The following DNAH17 variants were observed in gnomAD, a reference collection of about 807,000 sequenced individuals.
DNAH17 encodes the protein axonemal beta dynein heavy chain 17.
A neutral mutation model predicts 485.6 loss-of-function variants in DNAH17; 376 were observed. That is an observed-to-expected ratio of 0.77 (90% CI 0.71 to 0.84). DNAH17 has a LOEUF of 0.84. DNAH17 is among the 40% of genes least tolerant of loss of function. DNAH17 has a pLI of 0.00. For missense variants in DNAH17, 6,370 were observed against 5,839.3 expected (o/e 1.09, Z -2.96); for synonymous variants, 3,031 against 2,405.9 (o/e 1.26, Z -7.60).
chr17:78,545,659 T>C (rs945401486), intron 16 of DNAH17, among the ~76,000 whole-genome samples: 2 of 152,006 alleles, frequency 1.3e-5, no homozygotes, highest in African/African-American at 4.8e-5. Flanking sequence ...CACAAAGGAG[T>C]GTTTGAGAGT....
chr17:78,485,838 C>T (rs529851624), intron 46 of DNAH17, 81 bp from the exon 47 acceptor site: 426 of 1,571,136 alleles, frequency 2.7e-4, no homozygotes, highest in Admixed American at 6.5e-4. Flanking sequence ...CATGTTCTAC[C>T]GAACAGGTCC....
chr17:78,462,504 G>A (rs1032970207), intron 57 of DNAH17, among the ~76,000 whole-genome samples: 1 of 152,136 alleles, frequency 6.6e-6, no homozygotes, highest in East Asian at 1.9e-4. Flanking sequence ...CAGGCCCCAT[G>A]GTATGAATGG....
At chr17:78,537,044 G>A (rs1304373890) in intron 19 of DNAH17, among the ~76,000 whole-genome samples, 1 of 151,944 alleles carries the variant, frequency 6.6e-6, no homozygotes, top group African/African-American at 2.4e-5. Context: ...CGGGTGTGGT[G>A]GCGGGTGCCT....
chr17:78,532,903 C>A (rs909272542), intron 19 of DNAH17, 167 bp from the exon 20 acceptor site: 15 of 760,282 alleles, frequency 2.0e-5, no homozygotes, highest in Non-Finnish European at 2.8e-5. Context: ...CCTCTTTAGG[C>A]AACCTGGTGG....
intron 74 of DNAH17, among the ~76,000 whole-genome samples, chr17:78,436,951 G>C (rs1429224967): frequency 6.6e-6 from 1 of 152,206 alleles, no homozygotes; most frequent in Admixed American, 6.5e-5. Context: ...GGAAGAGTCA[G>C]GTGAGGACAG....
intron 22 of DNAH17, among the ~76,000 whole-genome samples, chr17:78,528,940 G>A (rs985165078): frequency 3.6e-5 from 5 of 137,534 alleles, no homozygotes; most frequent in Non-Finnish European, 6.3e-5. Context: ...GGGACATAAA[G>A]GCATTTTGTA....
At chr17:78,482,758 C>T (rs1319471204) in intron 48 of DNAH17, among the ~76,000 whole-genome samples, 1 of 152,132 alleles carries the variant, frequency 6.6e-6, no homozygotes, top group Non-Finnish European at 1.5e-5. Context: ...TCCATCCTTC[C>T]CTGTTGTCGT....
At chr17:78,445,759 AGAG>A (rs2087260553) in intron 69 of DNAH17, 79 bp from the exon 70 acceptor site, 5 of 1,498,946 alleles carry the variant, frequency 3.3e-6, no homozygotes, top group Non-Finnish European at 4.5e-6. Flanking sequence ...CTGGACTCGA[AGAG>A]GAGTTCACAC....
chr17:78,473,825 C>G (rs1301659490), intron 54 of DNAH17, among the ~76,000 whole-genome samples: 1 of 152,152 alleles, frequency 6.6e-6, no homozygotes, highest in African/African-American at 2.4e-5. Context: ...ATGGAGAAAG[C>G]TCAGTAAAAC....
chr17:78,486,667 G>A (rs1330965640), intron 44 of DNAH17, among the ~76,000 whole-genome samples, 161 bp from the exon 45 acceptor site: 1 of 152,190 alleles, frequency 6.6e-6, no homozygotes, highest in Non-Finnish European at 1.5e-5. Context: ...GGTGCCAGAG[G>A]GGCCAGTTGC....
In DNAH17 at chr17:78,423,874, C is replaced by T. The variant is rs2086221390; in HGVS notation, c.*32G>A. The T allele has an allele frequency of 6.2e-7, 1 of 1,611,748 alleles. No individual in the cohort carries two copies. Among genetic ancestry groups the T allele is most frequent in the Admixed American group, 1.7e-5 (1 of 59,960 alleles). On this transcript the variant is annotated 3_prime_UTR_variant, in exon 81 of 81. Transcript: ENST00000389840. ...TGAAGGGCTGAGTTGTGGTCCAGCC[C>T]CAGGGAGTGTGGGCTGTGAGGCAGG...
At chr17:78,488,958 G>C (rs911308090) in intron 44 of DNAH17, among the ~76,000 whole-genome samples, 1 of 152,090 alleles carries the variant, frequency 6.6e-6, no homozygotes, top group African/African-American at 2.4e-5. Flanking sequence ...AACCAGCACT[G>C]CCTACTCCTT....
chr17:78,488,642 G>A (rs749099193), intron 44 of DNAH17, among the ~76,000 whole-genome samples: 8 of 152,138 alleles, frequency 5.3e-5, no homozygotes, highest in Non-Finnish European at 1.0e-4. Context: ...TAGGATGGTG[G>A]TGCTACAAAA....
At chr17:78,477,428 G>C (rs148305453) in intron 51 of DNAH17, among the ~76,000 whole-genome samples, 34 of 151,996 alleles carry the variant, frequency 2.2e-4, no homozygotes, top group African/African-American at 8.0e-4. Context: ...GCCCAGGCTG[G>C]AGTGCAGTGG....
At position 78,444,630 on chromosome 17, in the gene DNAH17, C is replaced by T; in HGVS notation, c.11502G>A (p.Arg3834=). ...TGATAGCGTAGGTCATGCGATCTGGCCGCAGGCAGCGCACCATGCACAGCT... is the reference window on the plus strand; with the variant it reads ...TGATAGCGTAGGTCATGCGATCTGGTCGCAGGCAGCGCACCATGCACAGCT... ...LQKLCMVRCL[R]PDRMTYAIKN... is the part of the protein sequence containing the mutation. The change falls in exon 71 of 81, where the codon CGG becomes CGA. Residue 3834 remains arginine (R), a synonymous_variant. Transcript: ENST00000389840. 3 of 1,586,532 alleles carry T rather than the reference C, an allele frequency of 1.9e-6. No homozygotes were observed. The highest frequency in any genetic ancestry group is 2.6e-6 in the Non-Finnish European group (3 of 1,167,102).
In DNAH17 at chr17:78,525,111, C is replaced by A; in HGVS notation, c.3762G>T (p.Lys1254Asn). 1 of 1,613,850 alleles carries A rather than the reference C, an allele frequency of 6.2e-7. No individual in the cohort carries two copies. The highest frequency in any genetic ancestry group is 8.5e-7 in the Non-Finnish European group (1 of 1,179,884). The change falls in exon 25 of 81, where the codon AAG becomes AAT. Residue 1254 changes from lysine (K) to asparagine (N), a missense_variant. By Grantham distance (94) the Lys-to-Asn change is moderately conservative. Coordinates refer to ENST00000389840, the MANE Select transcript of DNAH17 (RefSeq NM_173628.4). ...CGGGGACCTCGAACAGGCCCCCGGA[C>A]TTGGACAGCGCCTCCATGATGCCTT... ...AMEGIMEALS[K>N]SGGLFEVPVP...
chr17:78,478,942 C>T, intron 51 of DNAH17, 83 bp downstream of exon 51: 1 of 1,156,798 alleles, frequency 8.6e-7, no homozygotes, highest in Admixed American at 2.0e-5. Context: ...CCACACCTCC[C>T]TGAGAGCTGT....
Position 78,529,711 on chromosome 17 carries a change from C to A in DNAH17, c.3285-17G>T. ...TCAGCCAGGCTAAGGGACAAGGGGACCATTTGTGTGGCCCCAGCCCCCCTT... is the reference window on the plus strand; with the variant it reads ...TCAGCCAGGCTAAGGGACAAGGGGAACATTTGTGTGGCCCCAGCCCCCCTT... On this transcript the variant is annotated splice_polypyrimidine_tract_variant and intron_variant, in intron 21 of 80. Coordinates refer to ENST00000389840, the MANE Select transcript of DNAH17 (RefSeq NM_173628.4). 6.2e-7 allele frequency: 1 copy of A among 1,612,546 alleles called. No individual in the cohort carries two copies. Among genetic ancestry groups the A allele is most frequent in the Non-Finnish European group, 8.5e-7 (1 of 1,178,870 alleles).
At chr17:78,463,679 G>A (rs1172960575) in intron 56 of DNAH17, among the ~76,000 whole-genome samples, 1 of 152,240 alleles carries the variant, frequency 6.6e-6, no homozygotes. Flanking sequence ...AGGTAATTCT[G>A]CAAATATTTA....
Sources: gnomAD v4.1 joint callset for allele counts (sites outside exome capture counted in the v4.1 genomes callset) on GRCh38, gnomAD v4.1.1 for gene constraint, MANE v1.5 for transcripts, NCBI Gene and HGNC (gene_info 2026-07-23, HGNC 2026-07-21) for gene names.